The following ANO4 variants were observed in gnomAD, a reference collection of about 807,000 sequenced individuals.
The protein encoded by ANO4 is anoctamin-4.
In ANO4, 69 loss-of-function variants were observed where a neutral mutation model predicts 141.9. That is an observed-to-expected ratio of 0.49 (90% CI 0.40 to 0.59). ANO4 has a LOEUF of 0.59. Among genes scored for constraint, ANO4 ranks in the 20% least tolerant of loss-of-function variants. The pLI is 0.00. For synonymous variants in ANO4, 350 were observed against 394.3 expected, an observed-to-expected ratio of 0.89 and a Z score of 1.33; for missense variants, 894 against 1,162.2, an observed-to-expected ratio of 0.77 and a Z score of 3.36.
chr12:100,993,784 A>G (rs2045248039), intron 8 of ANO4, among the ~76,000 whole-genome samples: 1 of 152,178 alleles, frequency 6.6e-6, no homozygotes, highest in African/African-American at 2.4e-5. Flanking sequence ...GAGCTTAGTC[A>G]TGTAGTAATG....
Position 101,098,964 on chromosome 12 carries a change from A to G in ANO4, c.2007-614A>G, listed in dbSNP as rs762374505. Among the ~76,000 whole-genome samples the G allele has an allele frequency of 5.9e-5, 9 of 152,150 alleles. No homozygotes were observed. In the South Asian group the frequency reaches 1.5e-3, roughly 25 times the overall value. On this transcript the variant is annotated intron_variant, in intron 21 of 27. Transcript: ENST00000392977. ...CTGCCTCCAATCTGTCATTTCCTCA[A>G]TGCTTTCTCATATTACAAAATGCAC...
chr12:100,809,798 G>A (rs77684742), intron 1 of ANO4, among the ~76,000 whole-genome samples: 3,114 of 152,294 alleles, frequency 0.02, 106 homozygotes, highest in African/African-American at 0.07. Context: ...CATATGGAGA[G>A]CAAAGTAGAA....
intron 1 of ANO4, among the ~76,000 whole-genome samples, chr12:100,870,458 A>G (rs2038975178): frequency 6.6e-6 from 1 of 151,876 alleles, no homozygotes; most frequent in Non-Finnish European, 1.5e-5. Flanking sequence ...AGTTTTCATT[A>G]TTTTTTTTTA....
At chr12:100,991,679 A>G (rs2045114901) in intron 8 of ANO4, among the ~76,000 whole-genome samples, 1 of 152,092 alleles carries the variant, frequency 6.6e-6, no homozygotes, top group Admixed American at 6.6e-5. Flanking sequence ...TCCTTAACCA[A>G]TATTACCACC....
intron 1 of ANO4, among the ~76,000 whole-genome samples, chr12:100,728,958 G>T (rs1298512155): frequency 6.6e-6 from 1 of 151,318 alleles, no homozygotes; most frequent in Admixed American, 6.6e-5. Flanking sequence ...ACCCACCCCT[G>T]CCCCATACTC....
intron 3 of ANO4, among the ~76,000 whole-genome samples, chr12:100,767,831 C>A (rs1228006598): frequency 6.6e-6 from 1 of 152,214 alleles, no homozygotes; most frequent in Non-Finnish European, 1.5e-5. Flanking sequence ...AACAACTTTA[C>A]TTTGACCACG....
At chr12:100,751,732 G>A (rs2032389411) in intron 3 of ANO4, among the ~76,000 whole-genome samples, 1 of 152,122 alleles carries the variant, frequency 6.6e-6, no homozygotes, top group African/African-American at 2.4e-5. Flanking sequence ...TGGAATGGCA[G>A]TGGGATAGGC....
chr12:101,126,523 G>C (rs2051322028), intron 26 of ANO4, among the ~76,000 whole-genome samples: 1 of 152,182 alleles, frequency 6.6e-6, no homozygotes, highest in Non-Finnish European at 1.5e-5. Context: ...ATGAGGCTCA[G>C]ATAAATTAAA....
chr12:101,039,853 A>T (rs1050322935), intron 10 of ANO4, 102 bp from the exon 11 acceptor site: 69 of 1,304,118 alleles, frequency 5.3e-5, no homozygotes, highest in Non-Finnish European at 6.5e-5. Flanking sequence ...TTCTCATACC[A>T]CTCCTATCAC....
chr12:100,824,473 A>C lies in ANO4; in HGVS notation c.-141+29446A>C, dbSNP rs528437066. Among the ~76,000 whole-genome samples the C allele has an allele frequency of 7.2e-5, 11 of 152,162 alleles. No homozygotes were observed. In the East Asian group the frequency reaches 2.1e-3, roughly 30 times the overall value. ...TTTAGCCAAACATTCTATTTAGTTTAAATTTGTAGATATACAGATTTTCTA... is the reference window on the plus strand; with the variant it reads ...TTTAGCCAAACATTCTATTTAGTTTCAATTTGTAGATATACAGATTTTCTA... On this transcript the variant is annotated intron_variant, in intron 1 of 27. Transcript: ENST00000392977.
At chr12:100,922,083 T>G (rs990383314) in intron 2 of ANO4, 143 bp from the exon 3 acceptor site, 3 of 486,088 alleles carry the variant, frequency 6.2e-6, no homozygotes, top group African/African-American at 6.1e-5. Flanking sequence ...TTTTTTTTCT[T>G]AAGTCCTTTG....
intron 1 of ANO4, among the ~76,000 whole-genome samples, chr12:100,731,190 C>T (rs1275461499): frequency 6.6e-6 from 1 of 152,212 alleles, no homozygotes; most frequent in Non-Finnish European, 1.5e-5. Context: ...CAGACCTATA[C>T]TTTCCACCAT....
intron 1 of ANO4, among the ~76,000 whole-genome samples, chr12:100,876,830 G>GT (rs1185586907): frequency 2.0e-5 from 3 of 152,082 alleles, no homozygotes; most frequent in Non-Finnish European, 4.4e-5. Context: ...TTTTATGCCA[G>GT]TACCATACTA....
chr12:100,908,008 T>G (rs1216332635), intron 2 of ANO4, among the ~76,000 whole-genome samples: 1 of 152,256 alleles, frequency 6.6e-6, no homozygotes, highest in Non-Finnish European at 1.5e-5. Flanking sequence ...TTTATCAACA[T>G]GGGCTAATTC....
At chr12:100,793,133 G>A (rs1423353555), upstream of ANO4, among the ~76,000 whole-genome samples, 1 of 152,188 alleles carries the variant, frequency 6.6e-6, no homozygotes, top group Non-Finnish European at 1.5e-5. Context: ...CCATGAGACT[G>A]TAAACTTCTT....
rs1353801712 is a variant in ANO4 at position 101,111,571 on chromosome 12, T to C, written c.2311T>C (p.Tyr771His). ...CACTTCTATTTGAATAGGAATTTGG[T>C]ATGGAATTCTTGAAGGCATTGGAAT... is the stretch of plus-strand genomic sequence containing the variant. ...ASRAKDIGIWYGILEGIGILS... is the reference protein window; with the variant it reads ...ASRAKDIGIWHGILEGIGILS... The change falls in exon 24 of 28, where the codon TAT (tyrosine) becomes CAT (histidine). Residue 771 changes from tyrosine (Y) to histidine (H), a missense_variant. By Grantham distance (83) the Tyr-to-His change is moderately conservative. This residue lies in a region of ANO4 where 637 missense variants were observed against 909.2 expected (regional missense o/e 0.70). Coordinates refer to ENST00000392977, the MANE Select transcript of ANO4 (RefSeq NM_001286615.2). 1 of 1,604,498 alleles carries C rather than the reference T, an allele frequency of 6.2e-7. No individual in the cohort carries two copies.
In ANO4 at chr12:100,936,479, G is replaced by A. The variant is rs149788024; in HGVS notation, c.161-2836G>A. On this transcript the variant is annotated intron_variant, in intron 3 of 27. Coordinates refer to ENST00000392977, the MANE Select transcript of ANO4 (RefSeq NM_001286615.2). Reference sequence around the variant, plus strand: ...CAGTTGAGAACCACGGACATAGAGGGCATTGTTGAACTGATTGTGCCAGTG... The same window carrying A: ...CAGTTGAGAACCACGGACATAGAGGACATTGTTGAACTGATTGTGCCAGTG... Among the ~76,000 whole-genome samples the A allele has an allele frequency of 9.6e-4, 146 of 152,276 alleles. 1 individual carries two copies. Among genetic ancestry groups the A allele is most frequent in the African/African-American group, 3.4e-3 (142 of 41,566 alleles).
chr12:100,887,522 T>C lies in ANO4; in HGVS notation c.-140-14124T>C, dbSNP rs138689517. 1.7e-3 allele frequency among the ~76,000 whole-genome samples: 266 copies of C among 152,092 alleles called. 1 individual carries two copies. The highest frequency in any genetic ancestry group is 6.0e-3 in the African/African-American group (249 of 41,492). Reference sequence around the variant, plus strand: ...CCAAATGACCCTGGGTTTCTTTCTTTTTTTTTTTTCTTTCTAAAACCCAAG... The same window carrying C: ...CCAAATGACCCTGGGTTTCTTTCTTCTTTTTTTTTCTTTCTAAAACCCAAG... On this transcript the variant is annotated intron_variant, in intron 1 of 27. Coordinates refer to ENST00000392977, the MANE Select transcript of ANO4 (RefSeq NM_001286615.2).
At chr12:100,840,327 A>T (rs1033930943) in intron 1 of ANO4, among the ~76,000 whole-genome samples, 4 of 152,180 alleles carry the variant, frequency 2.6e-5, no homozygotes, top group Non-Finnish European at 4.4e-5. Flanking sequence ...ATTACAAATT[A>T]AATCTTGATC....
Sources: gnomAD v4.1 joint callset for allele counts (sites outside exome capture counted in the v4.1 genomes callset) on GRCh38, gnomAD v4.1.1 for gene constraint, gnomAD v4.1.1 regional missense constraint, MANE v1.5 for transcripts, NCBI Gene and HGNC (gene_info 2026-07-23, HGNC 2026-07-21) for gene names.